CEP164: variants seen among roughly 807,000 people sequenced by gnomAD.
The protein encoded by CEP164 is centrosomal protein of 164 kDa.
CEP164 carries 162 observed loss-of-function variants against 182.7 expected under a neutral mutation model. That is an observed-to-expected ratio of 0.89 (90% CI 0.78 to 1.01). The LOEUF (loss-of-function observed/expected upper bound fraction) is 1.01. Ranked by LOEUF, CEP164 falls within the 50% of genes least tolerant of loss-of-function variation. The pLI is 0.00. For synonymous variants in CEP164, 661 were observed against 690.0 expected (o/e 0.96, Z 0.66); for missense variants, 1,735 against 1,790.4 (o/e 0.97, Z 0.56).
intron 27 of CEP164, among the ~76,000 whole-genome samples, chr11:117,402,808 G>A (rs1480912554): frequency 6.6e-6 from 1 of 152,206 alleles, no homozygotes; most frequent in Non-Finnish European, 1.5e-5. Flanking sequence ...TGGCAGTGGG[G>A]TGTGGGAGTC....
At chr11:117,354,328 G>A (rs2040054008) in intron 5 of CEP164, among the ~76,000 whole-genome samples, 1 of 152,098 alleles carries the variant, frequency 6.6e-6, no homozygotes, top group African/African-American at 2.4e-5. Context: ...CAAGGTTGGT[G>A]CATTTTATAA....
In CEP164 at chr11:117,363,405, A is replaced by T. The variant is rs376432302; in HGVS notation, c.688-24A>T. The T allele has an allele frequency of 3.2e-6, 5 of 1,583,530 alleles. No homozygotes were observed. In the African/African-American group the frequency reaches 5.4e-5, roughly 17 times the overall value. On this transcript the variant is annotated intron_variant, in intron 7 of 32. Coordinates refer to ENST00000278935, the MANE Select transcript of CEP164 (RefSeq NM_014956.5). Reference sequence around the variant, plus strand: ...GTTGACCAGTTTCTTCAGAGTTACCACTTGTCATCATTTTTGTTTCTAGAG... The same window carrying T: ...GTTGACCAGTTTCTTCAGAGTTACCTCTTGTCATCATTTTTGTTTCTAGAG...
At chr11:117,330,756 A>G (rs534862218) in intron 1 of CEP164, among the ~76,000 whole-genome samples, 165 of 152,354 alleles carry the variant, frequency 1.1e-3, no homozygotes, top group African/African-American at 3.9e-3. Context: ...AACCCTTTTA[A>G]ATAGGTGAAT....
chr11:117,409,777 C>T lies in CEP164; in HGVS notation c.3908C>T (p.Pro1303Leu). 1 of 1,613,932 alleles carries T rather than the reference C, an allele frequency of 6.2e-7. No homozygotes were observed. The highest frequency in any genetic ancestry group is 8.5e-7 in the Non-Finnish European group (1 of 1,179,918). The change falls in exon 30 of 33, where the codon CCC becomes CTC. Residue 1303 changes from proline to leucine, a missense_variant. Transcript: ENST00000278935. This position sits in a 1 kb window ranked among gnomAD's most constrained non-coding sequence, Gnocchi z 4.4. ...LLASMPAQLP[P>L]RDPKSTPTPT... ...GCCTCCATGCCAGCCCAGCTCCCTCCCCGGGACCCTAAGAGCACCCCCACC... is the reference window on the plus strand; with the variant it reads ...GCCTCCATGCCAGCCCAGCTCCCTCTCCGGGACCCTAAGAGCACCCCCACC...
rs2043352986 is a variant in CEP164, at chr11:117,381,868, G to A, written c.1577G>A (p.Arg526Lys). ...ASLSLQLSLQ[R>K]EQAPSPPAAC... ...CTCAGCCTGCAGCTGTCCCTCCAGA[G>A]GTAAGGATGAGGGGAAGCATCCTCA... Residue 526 changes from arginine to lysine, a missense_variant and splice_region_variant, in exon 13 of 33, where the codon AGG becomes AAG. Physicochemically the swap from Arg to Lys is conservative, Grantham distance 26 (BLOSUM62 2). Transcript: ENST00000278935. The A allele has an allele frequency of 6.7e-7, 1 of 1,494,284 alleles. No individual in the cohort carries two copies. Among genetic ancestry groups the A allele is most frequent in the South Asian group, 1.3e-5 (1 of 74,648 alleles). The allele number at this position is 1,494,284 out of a possible 1,614,324, so 92.6% of individuals were successfully genotyped here.
intron 1 of CEP164, among the ~76,000 whole-genome samples, chr11:117,328,915 C>G (rs2035763509): frequency 6.6e-6 from 1 of 152,190 alleles, no homozygotes; most frequent in Non-Finnish European, 1.5e-5. Context: ...TCCCGAAGTT[C>G]AAGTCCTGTA....
intron 31 of CEP164, 106 bp downstream of exon 31, chr11:117,411,000 C>A: frequency 1.9e-6 from 2 of 1,040,388 alleles, no homozygotes; most frequent in Admixed American, 4.0e-5. Context: ...CCTGGTCTTA[C>A]CCCAAGAAAT....
intron 2 of CEP164, chr11:117,336,659 C>A: frequency 1.0e-6 from 1 of 987,366 alleles, no homozygotes; most frequent in Non-Finnish European, 1.6e-6. Flanking sequence ...AGCCTTTCCA[C>A]GGCTGCCTGG....
In CEP164 at chr11:117,409,530, A is replaced by T; in HGVS notation, c.3749-88A>T. 1 of 1,210,388 alleles carries T rather than the reference A, an allele frequency of 8.3e-7. No individual in the cohort carries two copies. Among genetic ancestry groups the T allele is most frequent in the Non-Finnish European group, 1.2e-6 (1 of 855,080 alleles). The allele number at this position is 1,210,388 out of a possible 1,614,324, so 75.0% of individuals were successfully genotyped here. A position where few individuals can be genotyped will look rare whatever the true frequency, so the allele number is the denominator to read the frequency against. ...TCTGGAGAAGCAGGGAGGGGTGGCC[A>T]GTAGGGTCCTCCATGACAGCTGTGT... On this transcript the variant is annotated intron_variant, in intron 29 of 32. Transcript: ENST00000278935. The surrounding 1 kb of genome is among the most constrained non-coding windows in gnomAD (Gnocchi z 4.4).
chr11:117,328,349 T>A (rs1437374015), intron 1 of CEP164: 1 of 152,272 alleles, frequency 6.6e-6, no homozygotes, highest in Non-Finnish European at 1.5e-5. Flanking sequence ...TCCCCCCGGG[T>A]CCAAATCCGG....
At position 117,407,957 on chromosome 11, in the gene CEP164, C is replaced by T. The variant is rs929640715; in HGVS notation, c.3534C>T (p.Ala1178=). 6 of 1,600,932 alleles carry T rather than the reference C, an allele frequency of 3.7e-6. No homozygotes were observed. The highest frequency in any genetic ancestry group is 5.1e-6 in the Non-Finnish European group (6 of 1,173,798). Residue 1178 remains alanine, a synonymous_variant, in exon 28 of 33, where the codon GCC becomes GCT. Coordinates refer to ENST00000278935, the MANE Select transcript of CEP164 (RefSeq NM_014956.5). ...ETRHLDEMKS[A]MRKGHNLLKK... The stretch of plus-strand genomic sequence containing the variant: ...GGCACCTGGATGAGATGAAGTCGGC[C>T]ATGCGGAAAGGCCACAACCTGCTGA...
intron 5 of CEP164, chr11:117,355,288 G>A: frequency 7.8e-7 from 1 of 1,289,800 alleles, no homozygotes; most frequent in Non-Finnish European, 1.0e-6. Flanking sequence ...TCTACCTGGG[G>A]TTTTCAGATC....
intron 5 of CEP164, chr11:117,359,492 G>A (rs899073340): frequency 3.0e-6 from 3 of 985,276 alleles, no homozygotes; most frequent in African/African-American, 1.7e-5. Context: ...TTCCTGATGA[G>A]CATCTGATGC....
In CEP164 at chr11:117,409,847, T is replaced by G; in HGVS notation, c.3978T>G (p.Ser1326=). ...TGGCCAGGTTCTCAGCCTTATCATC[T>G]GCTACACCCACGTCCACCCAATGGG... ...GSLARFSALS[S]ATPTSTQWAW... Residue 1326 remains serine, a synonymous_variant, in exon 30 of 33, where the codon TCT becomes TCG. Transcript: ENST00000278935. The surrounding 1 kb of genome is among the most constrained non-coding windows in gnomAD (Gnocchi z 4.4). 1 of 1,388,000 alleles carries G rather than the reference T, an allele frequency of 7.2e-7. No homozygotes were observed. The highest frequency in any genetic ancestry group is 9.8e-7 in the Non-Finnish European group (1 of 1,020,604). The allele number at this position is 1,388,000 out of a possible 1,614,324, so 86.0% of individuals were successfully genotyped here.
upstream of CEP164, among the ~76,000 whole-genome samples, chr11:117,324,267 T>C (rs1235041311): frequency 6.6e-6 from 1 of 151,962 alleles, no homozygotes; most frequent in Non-Finnish European, 1.5e-5. Flanking sequence ...GCCAACATGA[T>C]GAAAGCCCAT....
intron 1 of CEP164, among the ~76,000 whole-genome samples, chr11:117,328,494 T>C (rs1327189115): frequency 6.6e-6 from 1 of 152,214 alleles, no homozygotes; most frequent in Non-Finnish European, 1.5e-5. Flanking sequence ...CTTCAGCGAC[T>C]CCCTGTCCGT....
At chr11:117,354,141 C>T (rs928909134) in intron 5 of CEP164, among the ~76,000 whole-genome samples, 4 of 151,958 alleles carry the variant, frequency 2.6e-5, no homozygotes, top group Middle Eastern at 3.4e-3. Flanking sequence ...CTCAGCCTTC[C>T]GAGGAGCAGG....
intron 4 of CEP164, among the ~76,000 whole-genome samples, chr11:117,350,208 CTT>C (rs55790205): frequency 6.2e-5 from 9 of 146,276 alleles, no homozygotes; most frequent in East Asian, 2.0e-4. Context: ...CGCACCCAGC[CTT>C]TTTTTTTTTT....
Position 117,393,023 on chromosome 11 carries a change from A to C in CEP164, c.2513A>C (p.Glu838Ala). ...CTGCAGCTCAGCAGTCTCCTGCGAG[A>C]GAAGCGCCAGGAAGTGGAAGGGGAG... ...YEHELSSLLR[E>A]KRQEVEGEHE... Residue 838 changes from glutamate (E) to alanine (A), a missense_variant, in exon 20 of 33, where the codon GAG becomes GCG. Physicochemically the swap from Glu to Ala is moderately radical, Grantham distance 107. Transcript: ENST00000278935. 6.2e-6 allele frequency: 10 copies of C among 1,613,500 alleles called. No homozygotes were observed. The highest frequency in any genetic ancestry group is 7.6e-6 in the Non-Finnish European group (9 of 1,179,830).
Sources: gnomAD v4.1 joint callset for allele counts (sites outside exome capture counted in the v4.1 genomes callset) on GRCh38, gnomAD v4.1.1 for gene constraint, Gnocchi (gnomAD v3.1) non-coding constraint, MANE v1.5 for transcripts, NCBI Gene and HGNC (gene_info 2026-07-23, HGNC 2026-07-21) for gene names.